Variants in FGD4 observed in about 807,000 individuals in gnomAD.
The protein encoded by FGD4 is FYVE, RhoGEF and PH domain containing 4.
Under a neutral mutation model 102.0 loss-of-function variants are expected in FGD4, and 42 were observed. The observed-to-expected ratio is 0.41, with a 90% CI of 0.32 to 0.53. FGD4 has a LOEUF of 0.53. Among genes scored for constraint, FGD4 ranks in the 20% least tolerant of loss-of-function variants. The pLI is 0.21. For synonymous variants in FGD4, 380 were observed against 375.7 expected (o/e 1.01, Z -0.13); for missense variants, 902 against 1,078.2 (o/e 0.84, Z 2.29).
At chr12:32,472,304 C>T (rs899864063) in intron 1 of FGD4, among the ~76,000 whole-genome samples, 10 of 152,230 alleles carry the variant, frequency 6.6e-5, no homozygotes, top group African/African-American at 1.9e-4. Context: ...GAGGCACGAG[C>T]GGGAACCAGG....
intron 1 of FGD4, chr12:32,534,553 CT>C: frequency 9.1e-7 from 1 of 1,095,820 alleles, no homozygotes; most frequent in African/African-American, 1.6e-5. Context: ...GCGTGGGTCA[CT>C]TTATAACACT....
intron 1 of FGD4, among the ~76,000 whole-genome samples, chr12:32,549,921 T>G (rs980824629): frequency 1.3e-5 from 2 of 152,200 alleles, no homozygotes; most frequent in Admixed American, 1.3e-4. Flanking sequence ...TGCCAGTTGT[T>G]TCCTCAGCAC....
At chr12:32,605,919 A>G (rs890049664) in intron 7 of FGD4, among the ~76,000 whole-genome samples, 1 of 152,226 alleles carries the variant, frequency 6.6e-6, no homozygotes, top group Admixed American at 6.5e-5. Context: ...GTTATTGTCT[A>G]GTCACACTCT....
In FGD4 at chr12:32,644,804, A is replaced by G. The variant is rs974774913; in HGVS notation, c.*4271A>G. The G allele has an allele frequency of 6.6e-6, 1 of 152,016 alleles. No homozygotes were observed. The highest frequency in any genetic ancestry group is 6.6e-5 in the Admixed American group (1 of 15,248). 9.4% of individuals were successfully genotyped at this position (152,016 alleles called of 1,614,324 possible). A position where few individuals can be genotyped will look rare whatever the true frequency, so the allele number is the denominator to read the frequency against. On this transcript the variant is annotated 3_prime_UTR_variant, in exon 17 of 17. Coordinates refer to ENST00000534526, the MANE Select transcript of FGD4 (RefSeq NM_001370298.3). Reference sequence around the variant, plus strand: ...GACCTTGGCCTGTAAATGCTAGACTATGATATCTTGTTATTCTTTTTCTCC... The same window carrying G: ...GACCTTGGCCTGTAAATGCTAGACTGTGATATCTTGTTATTCTTTTTCTCC...
chr12:32,630,249 G>A (rs1426533794), intron 14 of FGD4, among the ~76,000 whole-genome samples: 3 of 152,146 alleles, frequency 2.0e-5, no homozygotes, highest in Admixed American at 6.6e-5. Flanking sequence ...GGATCCAGTC[G>A]TATTATAGCA....
chr12:32,436,093 A>G (rs1223298744), intron 1 of FGD4, among the ~76,000 whole-genome samples: 1 of 152,188 alleles, frequency 6.6e-6, no homozygotes, highest in Non-Finnish European at 1.5e-5. Context: ...CCTTCTGTAA[A>G]TGTCTGGAAC....
chr12:32,630,812 C>CAA (rs530800673), intron 14 of FGD4, among the ~76,000 whole-genome samples: 11,922 of 125,316 alleles, frequency 0.095, 647 homozygotes, highest in Middle Eastern at 0.19. Context: ...GAGACTATGT[C>CAA]AAAAAAAAAA....
intron 1 of FGD4, among the ~76,000 whole-genome samples, chr12:32,516,507 GGACTTTTA>G (rs1217923500): frequency 2.0e-5 from 3 of 152,160 alleles, no homozygotes; most frequent in East Asian, 3.9e-4. Flanking sequence ...GAGTATCCAT[GGACTTTTA>G]GACAGCATCT....
At chr12:32,478,717 T>C (rs1194229353) in intron 1 of FGD4, among the ~76,000 whole-genome samples, 2 of 152,262 alleles carry the variant, frequency 1.3e-5, no homozygotes, top group African/African-American at 2.4e-5. Flanking sequence ...TTCCTCCTTT[T>C]TCTCTCTTTG....
At chr12:32,620,829 A>T (rs1024121757) in intron 11 of FGD4, among the ~76,000 whole-genome samples, 2 of 150,122 alleles carry the variant, frequency 1.3e-5, no homozygotes, top group Non-Finnish European at 3.0e-5. Context: ...TCCCGAGCTA[A>T]TTTTTGTATT....
chr12:32,401,109 T>C (rs1264539898), intron 1 of FGD4, among the ~76,000 whole-genome samples: 3 of 152,238 alleles, frequency 2.0e-5, no homozygotes, highest in African/African-American at 7.2e-5. Flanking sequence ...TTAGGTGTGA[T>C]TCACTCAAAT....
At position 32,633,764 on chromosome 12, in the gene FGD4, G is replaced by A. The variant is rs1424962513; in HGVS notation, c.2313+75G>A. 2.2e-6 allele frequency: 3 copies of A among 1,375,760 alleles called. No individual in the cohort carries two copies. In the African/African-American group the frequency reaches 4.3e-5, roughly 20 times the overall value. 85.2% of individuals were successfully genotyped at this position (1,375,760 alleles called of 1,614,324 possible). A position where few individuals can be genotyped will look rare whatever the true frequency, so the allele number is the denominator to read the frequency against. Reference sequence around the variant, plus strand: ...GGACTCTCGCTCTGTCACCCAGGCTGAGGTGCAGTGGCACGATCTCAGCTC... The same window carrying A: ...GGACTCTCGCTCTGTCACCCAGGCTAAGGTGCAGTGGCACGATCTCAGCTC... On this transcript the variant is annotated intron_variant, in intron 15 of 16. Coordinates refer to ENST00000534526, the MANE Select transcript of FGD4 (RefSeq NM_001370298.3).
At position 32,644,713 on chromosome 12, in the gene FGD4, A is replaced by T; in HGVS notation, c.*4180A>T. On this transcript the variant is annotated 3_prime_UTR_variant, in exon 17 of 17. Transcript: ENST00000534526. ...GTTTTAAGATAAGATGAAATATTTT[A>T]ACTGCAGAAGGGATATAAAATCTAT... is the stretch of plus-strand genomic sequence containing the variant. 6.6e-6 allele frequency: 1 copy of T among 152,198 alleles called. No individual in the cohort carries two copies. The highest frequency in any genetic ancestry group is 1.5e-5 in the Non-Finnish European group (1 of 68,022). The allele number at this position is 152,198 out of a possible 1,614,324, so 9.4% of individuals were successfully genotyped here.
At chr12:32,583,348 A>G (rs1367184844) in intron 4 of FGD4, among the ~76,000 whole-genome samples, 1 of 150,790 alleles carries the variant, frequency 6.6e-6, no homozygotes, top group Non-Finnish European at 1.5e-5. Context: ...AAAAACAAGG[A>G]AAAAAAAATC....
intron 1 of FGD4, among the ~76,000 whole-genome samples, chr12:32,556,239 G>A (rs906575964): frequency 6.6e-6 from 1 of 152,116 alleles, no homozygotes; most frequent in Non-Finnish European, 1.5e-5. Flanking sequence ...TAAACAAGGG[G>A]TATGCTTTAA....
At chr12:32,453,220 A>T (rs1295611178) in intron 1 of FGD4, among the ~76,000 whole-genome samples, 2 of 52,778 alleles carry the variant, frequency 3.8e-5, no homozygotes, top group African/African-American at 7.2e-5. Flanking sequence ...ATATATATAT[A>T]ATATAGATAT....
chr12:32,599,494 C>CAAAAAAAAAAAAAA lies in FGD4; in HGVS notation c.1101+909_1101+922dup, dbSNP rs777429838. On this transcript the variant is annotated intron_variant, in intron 5 of 16. Transcript: ENST00000534526. ...TGGGTGACAGAGCGAGACTCCGTCT[C>CAAAAAAAAAAAAAA]AAAAAAAAAAAAAAGAATAACTTTT... 9.1e-4 allele frequency among the ~76,000 whole-genome samples: 18 copies of CAAAAAAAAAAAAAA among 19,684 alleles called. 2 individuals carry two copies. Among genetic ancestry groups the CAAAAAAAAAAAAAA allele is most frequent in the African/African-American group, 4.0e-3 (15 of 3,796 alleles). 12.9% of individuals were successfully genotyped at this position (19,684 alleles called of 152,430 possible). A position where few individuals can be genotyped will look rare whatever the true frequency, so the allele number is the denominator to read the frequency against.
At chr12:32,475,306 A>G (rs1381828791) in intron 1 of FGD4, among the ~76,000 whole-genome samples, 2 of 152,186 alleles carry the variant, frequency 1.3e-5, no homozygotes, top group African/African-American at 4.8e-5. Flanking sequence ...TTTCTCTGAA[A>G]TGCCTTTTGG....
At chr12:32,629,209 A>G (rs1950352801) in intron 14 of FGD4, among the ~76,000 whole-genome samples, 1 of 152,222 alleles carries the variant, frequency 6.6e-6, no homozygotes, top group South Asian at 2.1e-4. Context: ...AATTGGTTCA[A>G]TGAAGAAAGA....
Sources: allele counts gnomAD v4.1 joint callset (sites outside exome capture counted in the v4.1 genomes callset), GRCh38; gene constraint gnomAD v4.1.1; transcripts MANE v1.5; gene names NCBI Gene and HGNC (gene_info 2026-07-23, HGNC 2026-07-21).